MOB1B: variants seen among roughly 807,000 people sequenced by gnomAD.
MOB1B encodes the protein MOB1 Mps One Binder homolog B.
Under a neutral mutation model 24.4 loss-of-function variants are expected in MOB1B, and 19 were observed. That is an observed-to-expected ratio of 0.78 (90% CI 0.54 to 1.14). The LOEUF (loss-of-function observed/expected upper bound fraction) is 1.14, where lower values mean the gene tolerates loss of function less well. Ranked by LOEUF, MOB1B falls within the 50% of genes most tolerant of loss-of-function variation. The pLI is 0.00. For missense variants in MOB1B, 243 were observed against 259.6 expected (o/e 0.94, Z 0.44); for synonymous variants, 76 against 82.1 (o/e 0.93, Z 0.40).
intron 1 of MOB1B, among the ~76,000 whole-genome samples, chr4:70,911,016 G>A (rs1462206435): frequency 6.6e-6 from 1 of 152,156 alleles, no homozygotes; most frequent in Non-Finnish European, 1.5e-5. Context: ...TGGAACTCCT[G>A]ACCTTGTGAT....
chr4:70,930,401 CA>C (rs1266681313), intron 1 of MOB1B, among the ~76,000 whole-genome samples: 1 of 152,036 alleles, frequency 6.6e-6, no homozygotes, highest in Non-Finnish European at 1.5e-5. Context: ...AAAGCTATGC[CA>C]GGGTTTTTAG....
chr4:70,902,278 C>T (rs931973406), upstream of MOB1B: 55 of 584,018 alleles, frequency 9.4e-5, no homozygotes, highest in Non-Finnish European at 1.6e-4. Flanking sequence ...TGGGGAGGGG[C>T]TCGCGGAGAG....
At chr4:70,975,319 T>A (rs766268698) in intron 4 of MOB1B, 33 bp downstream of exon 4, 8 of 1,604,356 alleles carry the variant, frequency 5.0e-6, no homozygotes, top group South Asian at 2.2e-5. Context: ...GGATCCATCA[T>A]GATTTATCTT....
At chr4:70,905,205 C>T (rs975376547) in intron 1 of MOB1B, among the ~76,000 whole-genome samples, 1 of 150,678 alleles carries the variant, frequency 6.6e-6, no homozygotes, top group African/African-American at 2.4e-5. Flanking sequence ...GTTATTTCTT[C>T]TATTTGTTAT....
intron 1 of MOB1B, among the ~76,000 whole-genome samples, chr4:70,918,791 C>A (rs1736301196): frequency 6.6e-6 from 1 of 152,068 alleles, no homozygotes; most frequent in South Asian, 2.1e-4. Flanking sequence ...AATGGTAATG[C>A]CTAGGTTTTC....
intron 3 of MOB1B, among the ~76,000 whole-genome samples, chr4:70,974,543 T>C (rs1053116936): frequency 6.6e-6 from 1 of 152,206 alleles, no homozygotes; most frequent in African/African-American, 2.4e-5. Context: ...GGAAGGTGCA[T>C]ATTAGATGTT....
At chr4:70,950,427 C>CAAAAAAAA (rs34937726) in intron 1 of MOB1B, among the ~76,000 whole-genome samples, 2 of 70,390 alleles carry the variant, frequency 2.8e-5, no homozygotes, top group African/African-American at 4.0e-5. Flanking sequence ...GTCTCTGTAT[C>CAAAAAAAA]AAAAAAAAAA....
chr4:70,949,221 C>T (rs1369922113), intron 1 of MOB1B, among the ~76,000 whole-genome samples: 3 of 152,088 alleles, frequency 2.0e-5, no homozygotes, highest in East Asian at 1.9e-4. Flanking sequence ...TTTTTCCAGC[C>T]GAGTTAAGGA....
intron 1 of MOB1B, among the ~76,000 whole-genome samples, chr4:70,954,051 G>A (rs7685105): frequency 0.2 from 30,007 of 151,912 alleles, 6,644 homozygotes; most frequent in African/African-American, 0.54. Context: ...ACCTTTCAGC[G>A]TAGCACCCCC....
At chr4:70,927,843 T>C (rs1264590108) in intron 1 of MOB1B, among the ~76,000 whole-genome samples, 8 of 152,138 alleles carry the variant, frequency 5.3e-5, no homozygotes, top group Admixed American at 2.0e-4. Context: ...TCTGCAAAAC[T>C]CCAAGGCATA....
In MOB1B at chr4:70,959,121, C is replaced by T. The variant is rs1030085364; in HGVS notation, c.181+81C>T. ...TTGGTGAGTGTTGGTGCTGTCCATT[C>T]TAGGATTTAGTTAGTAAGCTAATAT... On this transcript the variant is annotated intron_variant, in intron 2 of 5. Coordinates refer to ENST00000309395, the MANE Select transcript of MOB1B (RefSeq NM_173468.4). 4.3e-6 allele frequency: 5 copies of T among 1,171,240 alleles called. No individual in the cohort carries two copies. In the East Asian group the frequency reaches 7.2e-5, roughly 17 times the overall value. The allele number at this position is 1,171,240 out of a possible 1,614,324, so 72.6% of individuals were successfully genotyped here.
chr4:70,963,564 A>T lies in MOB1B; in HGVS notation c.181+4524A>T, dbSNP rs146173837. On this transcript the variant is annotated intron_variant, in intron 2 of 5. Coordinates refer to ENST00000309395, the MANE Select transcript of MOB1B (RefSeq NM_173468.4). ...TCCGGGCATGGTGGCTCATGCCTGTAATCTTTGCACTTTGGGAGGCCATGG... is the reference window on the plus strand; with the variant it reads ...TCCGGGCATGGTGGCTCATGCCTGTTATCTTTGCACTTTGGGAGGCCATGG... 3.5e-3 allele frequency among the ~76,000 whole-genome samples: 532 copies of T among 152,234 alleles called. 2 individuals are homozygous for T. Among genetic ancestry groups the T allele is most frequent in the Non-Finnish European group, 4.0e-3 (270 of 68,014 alleles).
chr4:70,910,559 C>T (rs980318173), intron 1 of MOB1B, among the ~76,000 whole-genome samples: 2 of 151,694 alleles, frequency 1.3e-5, no homozygotes, highest in Non-Finnish European at 2.9e-5. Context: ...TCTCATGATG[C>T]TGGGACTCTC....
chr4:70,957,246 C>T (rs1262502644), intron 1 of MOB1B, among the ~76,000 whole-genome samples: 4 of 122,454 alleles, frequency 3.3e-5, no homozygotes, highest in Non-Finnish European at 6.3e-5. Context: ...GGTGACAGAG[C>T]GAGACTATGT....
At chr4:70,904,212 G>C (rs947842871) in intron 1 of MOB1B, among the ~76,000 whole-genome samples, 3 of 151,614 alleles carry the variant, frequency 2.0e-5, no homozygotes, top group South Asian at 2.1e-4. Flanking sequence ...TCGAACTCCT[G>C]ATTTCAAGTG....
At chr4:70,961,181 A>T (rs1276867359) in intron 2 of MOB1B, among the ~76,000 whole-genome samples, 1 of 152,234 alleles carries the variant, frequency 6.6e-6, no homozygotes, top group Non-Finnish European at 1.5e-5. Context: ...ATAAAATAGA[A>T]CAATTACAGT....
At chr4:70,905,179 A>G (rs1376869484) in intron 1 of MOB1B, among the ~76,000 whole-genome samples, 1 of 152,188 alleles carries the variant, frequency 6.6e-6, no homozygotes. Context: ...ATTGGAAGTG[A>G]AAGAACAAAG....
chr4:70,911,028 C>T (rs1013289273), intron 1 of MOB1B, among the ~76,000 whole-genome samples: 8 of 152,148 alleles, frequency 5.3e-5, no homozygotes, highest in Admixed American at 2.0e-4. Context: ...CCTTGTGATC[C>T]GCCCGCCTTG....
chr4:70,945,341 A>T (rs1013817480), intron 1 of MOB1B, among the ~76,000 whole-genome samples: 3 of 152,122 alleles, frequency 2.0e-5, no homozygotes, highest in African/African-American at 7.2e-5. Context: ...TGCTTTCGTG[A>T]TTTTTGTTAG....
Sources: gnomAD v4.1 joint callset for allele counts (sites outside exome capture counted in the v4.1 genomes callset) on GRCh38, gnomAD v4.1.1 for gene constraint, MANE v1.5 for transcripts, NCBI Gene and HGNC (gene_info 2026-07-23, HGNC 2026-07-21) for gene names.